SRGAP1: variants seen among roughly 807,000 people sequenced by gnomAD.
The protein encoded by SRGAP1 is SLIT-ROBO Rho GTPase-activating protein 1.
Under a neutral mutation model 121.9 loss-of-function variants are expected in SRGAP1, and 43 were observed. The observed-to-expected ratio is 0.35, with a 90% CI of 0.28 to 0.46. The LOEUF (loss-of-function observed/expected upper bound fraction) is 0.46. SRGAP1 is among the 20% of genes least tolerant of loss of function. The probability of loss-of-function intolerance (pLI) is 1.00; values close to 1 mark genes in which losing one functional copy is unlikely to be tolerated. For missense variants in SRGAP1, 1,102 were observed against 1,350.9 expected, an observed-to-expected ratio of 0.82 and a Z score of 2.89; for synonymous variants, 447 against 485.4, an observed-to-expected ratio of 0.92 and a Z score of 1.04.
rs1290720735 is a variant in SRGAP1 at position 64,147,181 on chromosome 12, T to C, written c.*4509T>C. ...TGAAGGGTAACTGCTGCCCGCGTAA[T>C]TAAATCAGTATTGTCCTTTCCTGTC... On this transcript the variant is annotated 3_prime_UTR_variant, in exon 22 of 22. Coordinates refer to ENST00000355086, the MANE Select transcript of SRGAP1 (RefSeq NM_020762.4). 1.8e-5 allele frequency: 5 copies of C among 270,842 alleles called. No individual in the cohort carries two copies. The highest frequency in any genetic ancestry group is 3.5e-5 in the Non-Finnish European group (5 of 144,898). 16.8% of individuals were successfully genotyped at this position (270,842 alleles called of 1,614,324 possible).
intron 3 of SRGAP1, among the ~76,000 whole-genome samples, chr12:64,002,395 G>T (rs2033929467): frequency 6.6e-6 from 1 of 152,132 alleles, no homozygotes; most frequent in Admixed American, 6.5e-5. Context: ...CTGTCCTGCT[G>T]CCACTTGGCC....
At chr12:64,029,161 G>A (rs998508661) in intron 4 of SRGAP1, among the ~76,000 whole-genome samples, 3 of 152,206 alleles carry the variant, frequency 2.0e-5, no homozygotes, top group African/African-American at 4.8e-5. Context: ...TTTCCGGGTC[G>A]CTGCCAGCAA....
At position 64,157,914 on chromosome 12, in the gene SRGAP1, G is replaced by C. The variant is rs1231693885; in HGVS notation, c.*15242G>C. Reference sequence around the variant, plus strand: ...GGCTCCTTCCATTTTTTTTGTTGCTGCCACCTTAGTACGTGGCCACCATGA... The same window carrying C: ...GGCTCCTTCCATTTTTTTTGTTGCTCCCACCTTAGTACGTGGCCACCATGA... On this transcript the variant is annotated 3_prime_UTR_variant, in exon 22 of 22. Transcript: ENST00000355086. 1.3e-5 allele frequency: 2 copies of C among 152,146 alleles called. No individual in the cohort carries two copies. The highest frequency in any genetic ancestry group is 2.9e-5 in the Non-Finnish European group (2 of 68,054). The allele number at this position is 152,146 out of a possible 1,614,324, so 9.4% of individuals were successfully genotyped here.
intron 1 of SRGAP1, among the ~76,000 whole-genome samples, chr12:63,889,635 TGTG>T (rs1323581761): frequency 6.6e-6 from 1 of 151,276 alleles, no homozygotes; most frequent in East Asian, 1.9e-4. Flanking sequence ...TCCGGCCGAG[TGTG>T]GTGGCTCACG....
chr12:63,906,521 G>A (rs778645423), intron 1 of SRGAP1, among the ~76,000 whole-genome samples: 39 of 152,118 alleles, frequency 2.6e-4, no homozygotes, highest in Non-Finnish European at 5.3e-4. Context: ...CACCGTGTTA[G>A]CCAGGATGGT....
chr12:64,037,986 C>A (rs2034934773), intron 4 of SRGAP1, among the ~76,000 whole-genome samples: 1 of 152,186 alleles, frequency 6.6e-6, no homozygotes, highest in Non-Finnish European at 1.5e-5. Flanking sequence ...TTGTATGATA[C>A]TTTAGACTTT....
intron 3 of SRGAP1, among the ~76,000 whole-genome samples, chr12:63,990,527 G>A (rs112719064): frequency 6.6e-6 from 1 of 152,010 alleles, no homozygotes; most frequent in Non-Finnish European, 1.5e-5. Context: ...GTGAGACTCC[G>A]ACTCAAACAA....
At chr12:63,897,833 G>A (rs1397440683) in intron 1 of SRGAP1, among the ~76,000 whole-genome samples, 1 of 152,136 alleles carries the variant, frequency 6.6e-6, no homozygotes, top group South Asian at 2.1e-4. Flanking sequence ...CTTTGGATTT[G>A]GGGGAGGGAG....
At chr12:64,054,940 A>G (rs542678612) in intron 6 of SRGAP1, among the ~76,000 whole-genome samples, 1 of 130,228 alleles carries the variant, frequency 7.7e-6, no homozygotes, top group Admixed American at 9.6e-5. Context: ...TCCTGTGTCC[A>G]TGTGAGCTCA....
rs2034733572 is a variant in SRGAP1, at chr12:64,029,803, C to CCTGGCCAACACGGTGAAACCCCATCTCG, written c.489+12791_489+12792insCTGGCCAACACGGTGAAACCCCATCTCG. On this transcript the variant is annotated intron_variant, in intron 4 of 21. Coordinates refer to ENST00000355086, the MANE Select transcript of SRGAP1 (RefSeq NM_020762.4). ...CTTGAGGTCAGGAGTTCGAGACCAG[C>CCTGGCCAACACGGTGAAACCCCATCTCG]AGGCTGAGGCAGGAGAATCACCTGA... 1.5e-3 allele frequency among the ~76,000 whole-genome samples: 166 copies of CCTGGCCAACACGGTGAAACCCCATCTCG among 111,262 alleles called. 12 individuals carry two copies. The highest frequency in any genetic ancestry group is 1.6e-3 in the Non-Finnish European group (81 of 51,988). The allele number at this position is 111,262 out of a possible 152,430, so 73.0% of individuals were successfully genotyped here.
chr12:63,886,778 A>T (rs1337078144), intron 1 of SRGAP1, among the ~76,000 whole-genome samples: 2 of 151,992 alleles, frequency 1.3e-5, no homozygotes, highest in Non-Finnish European at 2.9e-5. Flanking sequence ...GCCAAAACAC[A>T]TTTAAAAGGG....
chr12:63,849,695 G>C (rs1012846547), intron 1 of SRGAP1, among the ~76,000 whole-genome samples: 25 of 152,216 alleles, frequency 1.6e-4, no homozygotes, highest in Admixed American at 1.6e-3. Context: ...CATAGAATAG[G>C]AAGTGACAGC....
At chr12:64,002,517 G>A (rs893759259) in intron 3 of SRGAP1, among the ~76,000 whole-genome samples, 2 of 152,178 alleles carry the variant, frequency 1.3e-5, no homozygotes, top group African/African-American at 4.8e-5. Flanking sequence ...AAGTACTGGG[G>A]AGATTTCAGA....
intron 1 of SRGAP1, among the ~76,000 whole-genome samples, chr12:63,978,715 A>G (rs909284842): frequency 1.6e-4 from 24 of 152,320 alleles, no homozygotes; most frequent in Admixed American, 1.5e-3. Flanking sequence ...TCTGGAATGT[A>G]TACCTAGGAG....
intron 1 of SRGAP1, among the ~76,000 whole-genome samples, chr12:63,867,675 G>C (rs2136273219): frequency 6.6e-6 from 1 of 151,924 alleles, no homozygotes; most frequent in Admixed American, 6.5e-5. Flanking sequence ...ACGTTTTTTT[G>C]TCATGTAGTA....
intron 21 of SRGAP1, among the ~76,000 whole-genome samples, chr12:64,137,340 T>G (rs1333550124): frequency 6.6e-6 from 1 of 151,374 alleles, no homozygotes; most frequent in Non-Finnish European, 1.5e-5. Flanking sequence ...GTCTCTGAGG[T>G]AAATACTTGT....
chr12:64,101,430 T>C (rs1162425903), intron 15 of SRGAP1, among the ~76,000 whole-genome samples: 1 of 151,640 alleles, frequency 6.6e-6, no homozygotes, highest in Non-Finnish European at 1.5e-5. Flanking sequence ...ATATATGTAG[T>C]CAAAGGAAAT....
chr12:64,132,126 A>G (rs2036794392), intron 21 of SRGAP1, among the ~76,000 whole-genome samples: 1 of 152,218 alleles, frequency 6.6e-6, no homozygotes, highest in Non-Finnish European at 1.5e-5. Flanking sequence ...GTGAGCCAAG[A>G]TCACGCCACT....
At chr12:63,904,349 G>A (rs2030092655) in intron 1 of SRGAP1, among the ~76,000 whole-genome samples, 1 of 152,132 alleles carries the variant, frequency 6.6e-6, no homozygotes, top group African/African-American at 2.4e-5. Context: ...CCCGTGTTGT[G>A]TCCTTAGAAG....
Sources: gnomAD v4.1 joint callset for allele counts (sites outside exome capture counted in the v4.1 genomes callset) on GRCh38, gnomAD v4.1.1 for gene constraint, MANE v1.5 for transcripts, NCBI Gene and HGNC (gene_info 2026-07-23, HGNC 2026-07-21) for gene names.